Variants in TET1 observed in about 807,000 individuals in gnomAD.
TET1 encodes methylcytosine dioxygenase TET1.
TET1 carries 13 observed loss-of-function variants against 148.7 expected under a neutral mutation model. The ratio of observed to expected loss-of-function variants is 0.09; its 90% CI spans 0.06 to 0.14. The LOEUF is 0.14. Among genes scored for constraint, TET1 ranks in the 10% least tolerant of loss-of-function variants. The probability of loss-of-function intolerance (pLI) is 1.00; values close to 1 mark genes in which losing one functional copy is unlikely to be tolerated. For synonymous variants in TET1, 907 were observed against 937.2 expected (o/e 0.97, Z 0.59); for missense variants, 2,182 against 2,553.8 (o/e 0.85, Z 3.14).
chr10:68,686,520 C>G lies in TET1; in HGVS notation c.5217C>G (p.Pro1739=). 1 of 1,614,090 alleles carries G rather than the reference C, an allele frequency of 6.2e-7. No individual in the cohort carries two copies. The highest frequency in any genetic ancestry group is 8.5e-7 in the Non-Finnish European group (1 of 1,180,024). ...IKSGAIEVLA[P]RRKKRTCFTQ... is the part of the protein sequence containing the mutation. ...CTGGGGCCATCGAGGTCCTGGCACCCCGCCGCAAAAAAAGAACGTGTTTCA... is the reference window on the plus strand; with the variant it reads ...CTGGGGCCATCGAGGTCCTGGCACCGCGCCGCAAAAAAAGAACGTGTTTCA... The change falls in exon 11 of 12, where the codon CCC becomes CCG. Residue 1739 remains proline, a synonymous_variant. Coordinates refer to ENST00000373644, the MANE Select transcript of TET1 (RefSeq NM_030625.3).
At chr10:68,674,338 G>A in intron 8 of TET1, 1 of 207,936 alleles carries the variant, frequency 4.8e-6, no homozygotes, top group Non-Finnish European at 9.7e-6. Flanking sequence ...TGTAGTGGTT[G>A]GCAAGAATAA....
At chr10:68,585,617 A>G (rs968606732) in intron 2 of TET1, among the ~76,000 whole-genome samples, 4 of 152,094 alleles carry the variant, frequency 2.6e-5, no homozygotes, top group Admixed American at 2.6e-4. Flanking sequence ...TGCATTTTTT[A>G]TGGTGAGCTT....
Position 68,686,636 on chromosome 10 carries a change from T to C in TET1, c.5333T>C (p.Ile1778Thr). 1 of 1,614,100 alleles carries C rather than the reference T, an allele frequency of 6.2e-7. No individual in the cohort carries two copies. The highest frequency in any genetic ancestry group is 1.1e-5 in the South Asian group (1 of 91,084). The change falls in exon 11 of 12, where the codon ATT (isoleucine) becomes ACT (threonine). Residue 1778 changes from isoleucine to threonine, a missense_variant. This residue lies in a region of TET1 where 380 missense variants were observed against 387.9 expected (regional missense o/e 0.98). Transcript: ENST00000373644. The part of the protein sequence containing the change: ...HKIRAVEKKP[I>T]PRIKRKNNST... The stretch of plus-strand genomic sequence containing the variant: ...ATAAGGGCAGTGGAAAAGAAACCTA[T>C]TCCCCGAATCAAGCGGAAGAATAAC...
chr10:68,653,080 C>CT (rs2054964231), intron 6 of TET1, among the ~76,000 whole-genome samples: 1 of 151,242 alleles, frequency 6.6e-6, no homozygotes, highest in African/African-American at 2.4e-5. Context: ...TCTTTTATAG[C>CT]TTTAGGGTAT....
chr10:68,621,516 G>A (rs967259521), intron 3 of TET1, among the ~76,000 whole-genome samples: 1 of 152,104 alleles, frequency 6.6e-6, no homozygotes, highest in Non-Finnish European at 1.5e-5. Flanking sequence ...TCCGGGAGGC[G>A]GTTACAGTGA....
intron 2 of TET1, among the ~76,000 whole-genome samples, chr10:68,578,705 AAG>A (rs60687524): frequency 0.34 from 51,159 of 151,738 alleles, 8,939 homozygotes; most frequent in Middle Eastern, 0.43. Flanking sequence ...AAAATGGAAA[AAG>A]ATCTTATTTG....
chr10:68,634,254 G>A (rs1056812749), intron 3 of TET1, among the ~76,000 whole-genome samples: 3 of 152,178 alleles, frequency 2.0e-5, no homozygotes, highest in Admixed American at 1.3e-4. Flanking sequence ...TCTGAACTCA[G>A]TGTGTACTGT....
intron 3 of TET1, among the ~76,000 whole-genome samples, chr10:68,615,356 C>CTTTTCTTTTCTTT (rs138957422): frequency 3.4e-5 from 5 of 145,280 alleles, no homozygotes; most frequent in African/African-American, 5.1e-5. Context: ...CTTTTCTTTT[C>CTTTTCTTTTCTTT]TTTTTTTGAG....
intron 3 of TET1, among the ~76,000 whole-genome samples, chr10:68,613,863 G>A (rs757574818): frequency 6.6e-6 from 1 of 151,980 alleles, no homozygotes; most frequent in Non-Finnish European, 1.5e-5. Context: ...GCTTGAACCC[G>A]GGAGACACTG....
At chr10:68,571,937 C>T (rs947399120) in intron 1 of TET1, among the ~76,000 whole-genome samples, 2 of 151,946 alleles carry the variant, frequency 1.3e-5, no homozygotes, top group East Asian at 3.9e-4. Flanking sequence ...GGCAACATGG[C>T]GAAAACATGT....
At chr10:68,683,272 A>T (rs969017125) in intron 10 of TET1, among the ~76,000 whole-genome samples, 19 of 146,122 alleles carry the variant, frequency 1.3e-4, no homozygotes, top group Middle Eastern at 6.8e-3. Flanking sequence ...ACTTTTTTTT[A>T]AATTTATTTA....
chr10:68,597,807 C>T (rs961343331), intron 2 of TET1, among the ~76,000 whole-genome samples: 1 of 151,950 alleles, frequency 6.6e-6, no homozygotes, highest in African/African-American at 2.4e-5. Flanking sequence ...ATGGATGAAC[C>T]TTGTAAATAT....
intron 2 of TET1, among the ~76,000 whole-genome samples, chr10:68,593,724 T>C (rs1486771023): frequency 6.6e-6 from 1 of 152,026 alleles, no homozygotes; most frequent in East Asian, 1.9e-4. Context: ...GCGATTATCC[T>C]GCCTCAGCCT....
At chr10:68,686,754 G>C in intron 11 of TET1, 47 bp downstream of exon 11, 1 of 1,524,318 alleles carries the variant, frequency 6.6e-7, no homozygotes, top group Non-Finnish European at 8.9e-7. Flanking sequence ...TTGATGGATA[G>C]ATGTGTTTGG....
At chr10:68,564,994 G>A (rs1334848914) in intron 1 of TET1, among the ~76,000 whole-genome samples, 1 of 152,162 alleles carries the variant, frequency 6.6e-6, no homozygotes, top group Non-Finnish European at 1.5e-5. Flanking sequence ...CTGCACTCCA[G>A]CCTGGGCAAC....
In TET1 at chr10:68,652,513, A is replaced by T; in HGVS notation, c.4380A>T (p.Lys1460Asn). ...GTTTTATACTCAGGTATGGTCAAAAAGGAAACGCAATAAGGATAGAAATAG... is the reference window on the plus strand; with the variant it reads ...GTTTTATACTCAGGTATGGTCAAAATGGAAACGCAATAAGGATAGAAATAG... The part of the protein sequence containing the change: ...REIMENRYGQ[K>N]GNAIRIEIVV... Residue 1460 changes from lysine (K) to asparagine (N), a missense_variant, in exon 6 of 12, where the codon AAA becomes AAT. This residue lies in a region of TET1 where 169 missense variants were observed against 263.7 expected (regional missense o/e 0.64). Coordinates refer to ENST00000373644, the MANE Select transcript of TET1 (RefSeq NM_030625.3). The T allele has an allele frequency of 6.2e-7, 1 of 1,610,080 alleles. No individual in the cohort carries two copies. The highest frequency in any genetic ancestry group is 1.1e-5 in the South Asian group (1 of 90,100).
rs1180618389 is a variant in TET1, at chr10:68,645,357, T to G, written c.2628T>G (p.Ser876Arg). 1 of 1,614,072 alleles carries G rather than the reference T, an allele frequency of 6.2e-7. No homozygotes were observed. ...AAGATGGATCTCCCGTTCAACCAAG[T>G]CTCTTATCGTTAATGAAAGATAGGA... Reference protein sequence around the residue: ...EPKDGSPVQPSLLSLMKDRRL... With the variant: ...EPKDGSPVQPRLLSLMKDRRL... The change falls in exon 4 of 12, where the codon AGT becomes AGG. Residue 876 changes from serine to arginine, a missense_variant. Transcript: ENST00000373644.
chr10:68,672,784 A>T, intron 7 of TET1, 111 bp from the exon 8 acceptor site: 1 of 778,680 alleles, frequency 1.3e-6, no homozygotes, highest in Non-Finnish European at 2.0e-6. Context: ...GATAAGTGTT[A>T]TAACCGGTTC....
chr10:68,572,304 T>G lies in TET1; in HGVS notation c.-35T>G, dbSNP rs769226187. The G allele has an allele frequency of 2.0e-6, 3 of 1,535,350 alleles. No individual in the cohort carries two copies. In the South Asian group the frequency reaches 3.8e-5, roughly 20 times the overall value. ...TTTCCAAAGGACCAATGACTCTGTTTCCTGCGCCCTTTCATTTTTTCCTAC... is the reference window on the plus strand; with the variant it reads ...TTTCCAAAGGACCAATGACTCTGTTGCCTGCGCCCTTTCATTTTTTCCTAC... On this transcript the variant is annotated 5_prime_UTR_variant, in exon 2 of 12. Coordinates refer to ENST00000373644, the MANE Select transcript of TET1 (RefSeq NM_030625.3).
Sources: allele counts gnomAD v4.1 joint callset (sites outside exome capture counted in the v4.1 genomes callset), GRCh38; gene constraint gnomAD v4.1.1; regional missense constraint gnomAD v4.1.1; transcripts MANE v1.5; gene names NCBI Gene and HGNC (gene_info 2026-07-23, HGNC 2026-07-21).